DYM: variants seen among roughly 807,000 people sequenced by gnomAD.
The protein encoded by DYM is dymeclin.
Under a neutral mutation model 93.1 loss-of-function variants are expected in DYM, and 78 were observed. The ratio of observed to expected loss-of-function variants is 0.84; its 90% confidence interval spans 0.70 to 1.01. The LOEUF (loss-of-function observed/expected upper bound fraction) is 1.01, where lower values mean the gene tolerates loss of function less well. Among genes scored for constraint, DYM ranks in the 50% least tolerant of loss-of-function variants. The pLI is 0.00. For synonymous variants in DYM, 321 were observed against 319.7 expected, an observed-to-expected ratio of 1.00 and a Z score of -0.04; for missense variants, 789 against 845.0, an observed-to-expected ratio of 0.93 and a Z score of 0.82.
intron 3 of DYM, among the ~76,000 whole-genome samples, chr18:49,388,283 T>C (rs917017790): frequency 1.3e-5 from 2 of 152,080 alleles, no homozygotes; most frequent in Non-Finnish European, 2.9e-5. Flanking sequence ...TGAGCGGTGA[T>C]AGTGCCACTG....
At chr18:49,202,914 G>GC (rs1482518916) in intron 14 of DYM, among the ~76,000 whole-genome samples, 2 of 137,766 alleles carry the variant, frequency 1.5e-5, no homozygotes, top group South Asian at 2.6e-4. Context: ...GGGGGGGTCA[G>GC]CCCCCCGCCT....
At chr18:49,273,110 C>A (rs749066232) in intron 10 of DYM, among the ~76,000 whole-genome samples, 13 of 152,124 alleles carry the variant, frequency 8.5e-5, no homozygotes, top group African/African-American at 2.7e-4. Context: ...TATGCAAAGC[C>A]CACCAAAACA....
intron 10 of DYM, among the ~76,000 whole-genome samples, chr18:49,275,236 C>A (rs762957289): frequency 1.3e-5 from 2 of 152,130 alleles, no homozygotes; most frequent in Admixed American, 6.6e-5. Context: ...CCTATTCTTT[C>A]CACATTGGTC....
At chr18:49,046,223 A>G (rs889912480) in intron 17 of DYM, among the ~76,000 whole-genome samples, 1 of 150,020 alleles carries the variant, frequency 6.7e-6, no homozygotes, top group Non-Finnish European at 1.5e-5. Context: ...ACAGACTCAC[A>G]CACATAACAC....
At chr18:49,072,107 T>C (rs1406287028) in intron 17 of DYM, among the ~76,000 whole-genome samples, 1 of 152,254 alleles carries the variant, frequency 6.6e-6, no homozygotes, top group African/African-American at 2.4e-5. Context: ...TAATTTAGCC[T>C]AGTTCCATTC....
chr18:49,057,862 A>G (rs148899257), intron 17 of DYM, among the ~76,000 whole-genome samples: 1 of 152,370 alleles, frequency 6.6e-6, no homozygotes, highest in East Asian at 1.9e-4. Flanking sequence ...TGGACAAACC[A>G]TGTCCCTCTT....
intron 2 of DYM, among the ~76,000 whole-genome samples, chr18:49,423,296 T>C (rs1337116502): frequency 2.0e-5 from 3 of 152,084 alleles, no homozygotes; most frequent in Admixed American, 6.6e-5. Context: ...GAATGACTAC[T>C]GGGTACATAA....
chr18:49,168,259 T>C (rs1273381340), intron 14 of DYM, among the ~76,000 whole-genome samples: 6 of 152,190 alleles, frequency 3.9e-5, no homozygotes, highest in African/African-American at 9.6e-5. Context: ...ATACAGTATA[T>C]ATAAAATGTT....
chr18:49,398,493 T>C (rs937911728), intron 2 of DYM, among the ~76,000 whole-genome samples: 2 of 152,164 alleles, frequency 1.3e-5, no homozygotes, highest in African/African-American at 4.8e-5. Flanking sequence ...CTTGGCTGCA[T>C]AGTTTAGGGC....
chr18:49,367,524 C>T (rs2066630933), intron 5 of DYM, among the ~76,000 whole-genome samples: 2 of 152,140 alleles, frequency 1.3e-5, no homozygotes, highest in African/African-American at 4.8e-5. Flanking sequence ...ACAATACTGT[C>T]CTAATCAAAT....
chr18:49,258,808 ACACAC>A lies in DYM; in HGVS notation c.1252-320_1252-316del, dbSNP rs1361041192. ...CACACACACACACACACACACACAC[ACACAC>A]ACACACACAGAGACACACACACACA... is the stretch of plus-strand genomic sequence containing the variant. On this transcript the variant is annotated intron_variant, in intron 11 of 17. Transcript: ENST00000675505. Among the ~76,000 whole-genome samples, 4 of 136,742 alleles carry A rather than the reference ACACAC, an allele frequency of 2.9e-5. 1 individual carries two copies. The highest frequency in any genetic ancestry group is 5.6e-5 in the African/African-American group (2 of 36,030). The allele number at this position is 136,742 out of a possible 152,430, so 89.7% of individuals were successfully genotyped here.
chr18:49,072,682 C>T lies in DYM; in HGVS notation c.2025+24720G>A, dbSNP rs149939986. Among the ~76,000 whole-genome samples the T allele has an allele frequency of 3.9e-3, 594 of 152,340 alleles. 5 individuals carry two copies. The highest frequency in any genetic ancestry group is 3.7e-3 in the Non-Finnish European group (254 of 68,034). The stretch of plus-strand genomic sequence containing the variant: ...CAGGGGAAAGTCCACCAGTGAGTTT[C>T]GGAACGTTTGAGAGCTGAGACTTTA... On this transcript the variant is annotated intron_variant, in intron 17 of 17. Coordinates refer to ENST00000675505, the MANE Select transcript of DYM (RefSeq NM_001353214.3).
At chr18:49,221,813 G>C (rs566088324) in intron 13 of DYM, among the ~76,000 whole-genome samples, 1 of 151,974 alleles carries the variant, frequency 6.6e-6, no homozygotes, top group Non-Finnish European at 1.5e-5. Context: ...GCTAAATGAC[G>C]AGTTAATGGG....
intron 13 of DYM, among the ~76,000 whole-genome samples, chr18:49,229,009 A>AT (rs2093620962): frequency 6.6e-6 from 1 of 152,156 alleles, no homozygotes; most frequent in Non-Finnish European, 1.5e-5. Flanking sequence ...ACCAATGGTT[A>AT]CTCATCAGTT....
At chr18:49,203,518 C>T (rs371837564) in intron 14 of DYM, among the ~76,000 whole-genome samples, 33 of 147,310 alleles carry the variant, frequency 2.2e-4, no homozygotes, top group African/African-American at 8.2e-4. Context: ...AGAAAAATTC[C>T]TCTGCCTTGG....
chr18:49,387,741 T>G (rs2068778128), intron 3 of DYM, among the ~76,000 whole-genome samples: 2 of 152,192 alleles, frequency 1.3e-5, no homozygotes, highest in South Asian at 4.1e-4. Context: ...ACATAACATT[T>G]ATAAGCATGG....
chr18:49,197,057 A>G (rs2091521155), intron 14 of DYM, among the ~76,000 whole-genome samples: 1 of 152,194 alleles, frequency 6.6e-6, no homozygotes, highest in African/African-American at 2.4e-5. Context: ...AACTTGACGG[A>G]TACAGGCACC....
At chr18:49,434,446 G>C (rs2080633372) in intron 1 of DYM, among the ~76,000 whole-genome samples, 1 of 152,120 alleles carries the variant, frequency 6.6e-6, no homozygotes, top group Admixed American at 6.6e-5. Flanking sequence ...CTTGAACCTG[G>C]GAGGCGGAGG....
chr18:49,424,334 AC>A (rs1359226399), intron 2 of DYM, among the ~76,000 whole-genome samples: 3 of 152,162 alleles, frequency 2.0e-5, no homozygotes, highest in African/African-American at 7.2e-5. Context: ...AAGGCCTTTG[AC>A]AAAATTCAAC....
Sources: allele counts gnomAD v4.1 joint callset (sites outside exome capture counted in the v4.1 genomes callset), GRCh38; gene constraint gnomAD v4.1.1; transcripts MANE v1.5; gene names NCBI Gene and HGNC (gene_info 2026-07-23, HGNC 2026-07-21).